The following ST6GALNAC3 variants were observed in gnomAD, a reference collection of about 807,000 sequenced individuals.
ST6GALNAC3 encodes the protein alpha-N-acetylgalactosaminide alpha-2,6-sialyltransferase 3.
ST6GALNAC3 carries 25 observed loss-of-function variants against 32.7 expected under a neutral mutation model. That is an observed-to-expected ratio of 0.76 (90% CI 0.56 to 1.07). ST6GALNAC3 has a LOEUF of 1.07. ST6GALNAC3 is among the 50% of genes least tolerant of loss of function. The probability of loss-of-function intolerance (pLI) is 0.00; values close to 1 mark genes in which losing one functional copy is unlikely to be tolerated. For synonymous variants in ST6GALNAC3, 129 were observed against 133.1 expected (o/e 0.97, Z 0.21); for missense variants, 355 against 382.4 (o/e 0.93, Z 0.60).
chr1:76,089,287 G>A (rs1202727769), intron 1 of ST6GALNAC3, among the ~76,000 whole-genome samples: 1 of 152,080 alleles, frequency 6.6e-6, no homozygotes, highest in East Asian at 1.9e-4. Flanking sequence ...TCCTGACCTC[G>A]TGATCTGCCC....
At chr1:76,203,603 C>T (rs1234918900) in intron 1 of ST6GALNAC3, among the ~76,000 whole-genome samples, 1 of 151,862 alleles carries the variant, frequency 6.6e-6, no homozygotes, top group Non-Finnish European at 1.5e-5. Flanking sequence ...TAAGAAAATG[C>T]AAGAGGTAAA....
At chr1:76,285,983 A>C (rs964627997) in intron 1 of ST6GALNAC3, among the ~76,000 whole-genome samples, 1 of 151,968 alleles carries the variant, frequency 6.6e-6, no homozygotes, top group African/African-American at 2.4e-5. Flanking sequence ...AATGAGACAG[A>C]TGGAGACACA....
chr1:76,368,381 C>T (rs1016817587), intron 2 of ST6GALNAC3, among the ~76,000 whole-genome samples: 16 of 151,904 alleles, frequency 1.1e-4, no homozygotes, highest in African/African-American at 3.9e-4. Flanking sequence ...ATGAAACATT[C>T]CTCCTTCATC....
intron 1 of ST6GALNAC3, among the ~76,000 whole-genome samples, chr1:76,260,908 T>C (rs182192401): frequency 8.6e-5 from 13 of 151,332 alleles, no homozygotes; most frequent in Admixed American, 7.9e-4. Flanking sequence ...TTTTAAAAAA[T>C]AGAAAAAAGT....
intron 3 of ST6GALNAC3, among the ~76,000 whole-genome samples, chr1:76,617,483 T>C (rs1648376975): frequency 6.6e-6 from 1 of 152,114 alleles, no homozygotes; most frequent in African/African-American, 2.4e-5. Flanking sequence ...ACCTATGCCT[T>C]AGGTAGAAAA....
At chr1:76,185,850 C>T (rs987894477) in intron 1 of ST6GALNAC3, among the ~76,000 whole-genome samples, 3 of 152,188 alleles carry the variant, frequency 2.0e-5, no homozygotes, top group African/African-American at 4.8e-5. Flanking sequence ...TGAATACATA[C>T]AGACCATTTT....
At chr1:76,543,668 G>A (rs977873065) in intron 3 of ST6GALNAC3, among the ~76,000 whole-genome samples, 4 of 152,108 alleles carry the variant, frequency 2.6e-5, no homozygotes, top group Admixed American at 6.6e-5. Context: ...ATCTCAGAGA[G>A]CAGAGAACTC....
At chr1:76,557,207 G>A (rs1664980181) in intron 3 of ST6GALNAC3, among the ~76,000 whole-genome samples, 1 of 151,900 alleles carries the variant, frequency 6.6e-6, no homozygotes. Context: ...CTTATTTTGG[G>A]ACTCTTAAGT....
chr1:76,250,748 G>A (rs143032008), intron 1 of ST6GALNAC3, among the ~76,000 whole-genome samples: 102 of 152,158 alleles, frequency 6.7e-4, no homozygotes, highest in African/African-American at 2.2e-3. Flanking sequence ...GAGGTCTGTC[G>A]TGGTGCCTGC....
At chr1:76,552,785 GT>G (rs1358558351) in intron 3 of ST6GALNAC3, among the ~76,000 whole-genome samples, 3 of 152,140 alleles carry the variant, frequency 2.0e-5, no homozygotes, top group African/African-American at 7.2e-5. Flanking sequence ...TTAAAGAGGA[GT>G]ATTGATAGCA....
At chr1:76,130,845 G>T (rs889377226) in intron 1 of ST6GALNAC3, among the ~76,000 whole-genome samples, 4 of 152,206 alleles carry the variant, frequency 2.6e-5, no homozygotes, top group African/African-American at 7.2e-5. Context: ...GCTCAGAGGT[G>T]GTTTTCTGCT....
Position 76,253,553 on chromosome 1 carries a change from A to G in ST6GALNAC3, c.19-60252A>G, listed in dbSNP as rs1570590222. On this transcript the variant is annotated intron_variant, in intron 1 of 4. Coordinates refer to ENST00000328299, the MANE Select transcript of ST6GALNAC3 (RefSeq NM_152996.4). ...AGTGCCAGACTTCTTAGGGTATTCCATGACACTGCTAGAATGTTTCTCATA... is the reference window on the plus strand; with the variant it reads ...AGTGCCAGACTTCTTAGGGTATTCCGTGACACTGCTAGAATGTTTCTCATA... Among the ~76,000 whole-genome samples, 4 of 152,158 alleles carry G rather than the reference A, an allele frequency of 2.6e-5. No individual in the cohort carries two copies. The East Asian group carries it at 7.7e-4, about 29-fold the overall frequency.
chr1:76,441,958 C>G (rs1233144769), intron 3 of ST6GALNAC3, among the ~76,000 whole-genome samples: 1 of 152,158 alleles, frequency 6.6e-6, no homozygotes, highest in East Asian at 1.9e-4. Flanking sequence ...TAGAAGGTCT[C>G]TCATGCAGGA....
chr1:76,561,969 T>C (rs1038511312), intron 3 of ST6GALNAC3, among the ~76,000 whole-genome samples: 23 of 152,190 alleles, frequency 1.5e-4, no homozygotes. Flanking sequence ...CTTGGAAACA[T>C]TCTAAGTGAA....
chr1:76,363,186 T>C (rs1650103457), intron 2 of ST6GALNAC3, among the ~76,000 whole-genome samples: 1 of 152,196 alleles, frequency 6.6e-6, no homozygotes, highest in Admixed American at 6.5e-5. Context: ...GCTCACACAT[T>C]TGAGCATAGG....
intron 3 of ST6GALNAC3, among the ~76,000 whole-genome samples, chr1:76,417,199 C>T (rs937062453): frequency 6.6e-6 from 1 of 150,406 alleles, no homozygotes; most frequent in Non-Finnish European, 1.5e-5. Flanking sequence ...TCTTCTGGGG[C>T]CCAGTTGTTT....
At chr1:76,309,271 G>GT (rs1646708007) in intron 1 of ST6GALNAC3, among the ~76,000 whole-genome samples, 1 of 151,806 alleles carries the variant, frequency 6.6e-6, no homozygotes, top group Middle Eastern at 3.4e-3. Flanking sequence ...TTTTATTTCG[G>GT]TTTTTTCAGC....
intron 2 of ST6GALNAC3, chr1:76,353,815 A>G (rs1649204313): frequency 1.3e-5 from 2 of 152,754 alleles, no homozygotes; most frequent in South Asian, 4.1e-4. Context: ...CCCACTCACC[A>G]GTCACAAAGA....
At chr1:76,614,718 CAAAAAAAAAAAAAAAAAAAAAAA>C (rs55744575) in intron 3 of ST6GALNAC3, among the ~76,000 whole-genome samples, 1 of 67,534 alleles carries the variant, frequency 1.5e-5, no homozygotes, top group East Asian at 4.1e-4. Flanking sequence ...GACTCCATCT[CAAAAAAAAAAAAAAAAAAAAAAA>C]AAAAAAAAAA....
Sources: allele counts gnomAD v4.1 joint callset (sites outside exome capture counted in the v4.1 genomes callset), GRCh38; gene constraint gnomAD v4.1.1; transcripts MANE v1.5; gene names NCBI Gene and HGNC (gene_info 2026-07-23, HGNC 2026-07-21).